The following XXYLT1 variants were observed in gnomAD, a reference collection of about 807,000 sequenced individuals.
XXYLT1 encodes the protein xyloside xylosyltransferase 1.
In XXYLT1, 20 loss-of-function variants were observed where a neutral mutation model predicts 28.9. The observed-to-expected ratio is 0.69, with a 90% CI of 0.49 to 1.00. XXYLT1 has a LOEUF of 1.00. Among genes scored for constraint, XXYLT1 ranks in the 50% least tolerant of loss-of-function variants. The pLI, the probability that XXYLT1 is intolerant of heterozygous loss-of-function variation, is 0.00. For missense variants in XXYLT1, 542 were observed against 560.1 expected, an observed-to-expected ratio of 0.97 and a Z score of 0.33; for synonymous variants, 257 against 253.8, an observed-to-expected ratio of 1.01 and a Z score of -0.12.
chr3:195,262,547 C>A (rs1319421456), intron 1 of XXYLT1, among the ~76,000 whole-genome samples: 2 of 152,062 alleles, frequency 1.3e-5, no homozygotes, highest in Non-Finnish European at 1.5e-5. Flanking sequence ...CCTACAGGAA[C>A]AAGGAACAGT....
chr3:195,105,494 G>A (rs982074911), intron 3 of XXYLT1, among the ~76,000 whole-genome samples: 1 of 152,230 alleles, frequency 6.6e-6, no homozygotes, highest in Non-Finnish European at 1.5e-5. Flanking sequence ...GCCACGTGAA[G>A]TCCACAGCAG....
chr3:195,130,543 C>T lies in XXYLT1; in HGVS notation c.785+25906G>A, dbSNP rs565336635. ...AAAGAGGAGAGGTGATTCCTACTTA[C>T]GGGTGAAGTGTAGATCAGGGAAAGG... On this transcript the variant is annotated intron_variant, in intron 3 of 3. Coordinates refer to ENST00000310380, the MANE Select transcript of XXYLT1 (RefSeq NM_152531.5). Among the ~76,000 whole-genome samples, 7 of 152,282 alleles carry T rather than the reference C, an allele frequency of 4.6e-5. No homozygotes were observed. The South Asian group carries it at 8.3e-4, about 18-fold the overall frequency.
intron 2 of XXYLT1, among the ~76,000 whole-genome samples, chr3:195,160,481 G>A (rs150047445): frequency 8.5e-5 from 13 of 152,350 alleles, no homozygotes; most frequent in South Asian, 4.1e-4. Context: ...TGACTCCAGC[G>A]TCCTGAGGCT....
chr3:195,221,149 C>T (rs1419762163), intron 2 of XXYLT1, among the ~76,000 whole-genome samples: 1 of 152,154 alleles, frequency 6.6e-6, no homozygotes, highest in Non-Finnish European at 1.5e-5. Flanking sequence ...AATTGGGAAA[C>T]ACTCTATAAA....
chr3:195,264,402 C>T (rs762749814), intron 1 of XXYLT1, among the ~76,000 whole-genome samples: 20 of 152,232 alleles, frequency 1.3e-4, no homozygotes, highest in Non-Finnish European at 2.4e-4. Flanking sequence ...GACGGAGTCC[C>T]GCCCAGAGGG....
At chr3:195,126,128 G>A (rs935046645) in intron 3 of XXYLT1, among the ~76,000 whole-genome samples, 4 of 132,890 alleles carry the variant, frequency 3.0e-5, no homozygotes, top group Middle Eastern at 3.5e-3. Flanking sequence ...TGGGCAAGCT[G>A]GTGCAGTTTT....
intron 1 of XXYLT1, among the ~76,000 whole-genome samples, chr3:195,252,981 C>T (rs1362642649): frequency 6.6e-6 from 1 of 152,120 alleles, no homozygotes; most frequent in African/African-American, 2.4e-5. Flanking sequence ...CAAATTAGGC[C>T]TGCAAGAAAC....
chr3:195,156,379 G>A (rs189861410), intron 3 of XXYLT1, 70 bp downstream of exon 3: 2 of 1,575,192 alleles, frequency 1.3e-6, no homozygotes, highest in East Asian at 4.5e-5. Flanking sequence ...ATCTGTCACG[G>A]CTGGCAGAAG....
At chr3:195,153,518 C>T (rs1176583273) in intron 3 of XXYLT1, among the ~76,000 whole-genome samples, 4 of 152,308 alleles carry the variant, frequency 2.6e-5, no homozygotes, top group East Asian at 3.9e-4. Context: ...GCCCTGCAAA[C>T]GCCATTCTTC....
intron 2 of XXYLT1, among the ~76,000 whole-genome samples, chr3:195,196,297 G>T (rs1722621088): frequency 6.6e-6 from 1 of 152,220 alleles, no homozygotes; most frequent in African/African-American, 2.4e-5. Flanking sequence ...CCAACTGAAA[G>T]TGGCCTTGCC....
intron 1 of XXYLT1, among the ~76,000 whole-genome samples, chr3:195,265,907 G>A (rs1164533076): frequency 2.6e-5 from 4 of 152,140 alleles, no homozygotes; most frequent in East Asian, 1.9e-4. Context: ...GCATTGAAAC[G>A]AGACATAAAT....
At chr3:195,264,872 G>C (rs2108858320) in intron 1 of XXYLT1, among the ~76,000 whole-genome samples, 1 of 152,100 alleles carries the variant, frequency 6.6e-6, no homozygotes, top group East Asian at 1.9e-4. Flanking sequence ...TGGGAAAGAA[G>C]GTGAGATCCC....
intron 3 of XXYLT1, among the ~76,000 whole-genome samples, chr3:195,104,004 C>T (rs781747772): frequency 6.6e-6 from 1 of 152,196 alleles, no homozygotes; most frequent in African/African-American, 2.4e-5. Context: ...ATTCTGAATA[C>T]ATTTTCCTAT....
chr3:195,202,576 C>A (rs1722906575), intron 2 of XXYLT1, among the ~76,000 whole-genome samples: 1 of 152,204 alleles, frequency 6.6e-6, no homozygotes, highest in African/African-American at 2.4e-5. Context: ...TACCCACCAT[C>A]TTTCTTCAGC....
intron 3 of XXYLT1, among the ~76,000 whole-genome samples, chr3:195,145,293 C>G (rs1320561277): frequency 6.6e-6 from 1 of 152,078 alleles, no homozygotes; most frequent in Non-Finnish European, 1.5e-5. Flanking sequence ...CACCTCACTC[C>G]ACGGTTACCA....
chr3:195,235,903 C>T (rs944974643), intron 1 of XXYLT1, among the ~76,000 whole-genome samples: 1 of 112,690 alleles, frequency 8.9e-6, no homozygotes, highest in African/African-American at 5.7e-5. Context: ...TAGACATAGA[C>T]ATAGACATAG....
chr3:195,148,131 A>C (rs1265157696), intron 3 of XXYLT1: 1 of 152,258 alleles, frequency 6.6e-6, no homozygotes, highest in Non-Finnish European at 1.5e-5. Flanking sequence ...AATGACAGCA[A>C]CACAATCCCG....
At chr3:195,232,169 A>G (rs969260200) in intron 1 of XXYLT1, among the ~76,000 whole-genome samples, 4 of 152,130 alleles carry the variant, frequency 2.6e-5, no homozygotes, top group Non-Finnish European at 5.9e-5. Flanking sequence ...ATTTATTGGT[A>G]TATAGTTGTT....
chr3:195,147,002 G>A (rs1719889755), intron 3 of XXYLT1: 1 of 153,720 alleles, frequency 6.5e-6, no homozygotes, highest in South Asian at 2.1e-4. Context: ...ACCATGCCCA[G>A]CTGAAGGCAG....
Sources: gnomAD v4.1 joint callset for allele counts (sites outside exome capture counted in the v4.1 genomes callset) on GRCh38, gnomAD v4.1.1 for gene constraint, MANE v1.5 for transcripts, NCBI Gene and HGNC (gene_info 2026-07-23, HGNC 2026-07-21) for gene names.